Variants in VPS4B observed in about 807,000 individuals in gnomAD.
VPS4B encodes the protein vacuolar protein sorting-associated protein 4B.
Under a neutral mutation model 56.1 loss-of-function variants are expected in VPS4B, and 23 were observed. The observed-to-expected ratio is 0.41, with a 90% CI of 0.30 to 0.58. The LOEUF (loss-of-function observed/expected upper bound fraction) is 0.58, where lower values mean the gene tolerates loss of function less well. Among genes scored for constraint, VPS4B ranks in the 20% least tolerant of loss-of-function variants. The probability of loss-of-function intolerance (pLI) is 0.29; values close to 1 mark genes in which losing one functional copy is unlikely to be tolerated. For missense variants in VPS4B, 372 were observed against 531.9 expected (o/e 0.70, Z 2.96); for synonymous variants, 177 against 186.0 (o/e 0.95, Z 0.39).
At chr18:63,397,777 G>A (rs562475623) in intron 8 of VPS4B, among the ~76,000 whole-genome samples, 24 of 152,174 alleles carry the variant, frequency 1.6e-4, no homozygotes, top group African/African-American at 5.8e-4. Flanking sequence ...TTAGAATTTC[G>A]GTATTTGGAG....
At chr18:63,403,372 T>C (rs1915853455) in intron 5 of VPS4B, among the ~76,000 whole-genome samples, 1 of 152,376 alleles carries the variant, frequency 6.6e-6, no homozygotes, top group African/African-American at 2.4e-5. Flanking sequence ...TTTTTGATCT[T>C]TGCAATAGAT....
rs142770219 is a variant in VPS4B at position 63,411,566 on chromosome 18, G to C, written c.40C>G (p.Leu14Val). 3.6e-3 allele frequency: 5,701 copies of C among 1,578,270 alleles called. 12 individuals carry two copies. The highest frequency in any genetic ancestry group is 4.6e-3 in the Non-Finnish European group (5,318 of 1,162,128). The change falls in exon 2 of 11, where the codon CTG (leucine) becomes GTG (valine). Residue 14 changes from leucine (L) to valine (V), a missense_variant. Physicochemically the swap from Leu to Val is conservative, Grantham distance 32 (BLOSUM62 1). Coordinates refer to ENST00000238497, the MANE Select transcript of VPS4B (RefSeq NM_004869.4). ...TSPNLQKAID[L>V]ASKAAQEDKA... Reference sequence around the variant, plus strand: ...TCTTCTTGCGCTGCTTTGCTAGCCAGATCTATCGCTTTCTGTTTGAGGGAG... The same window carrying C: ...TCTTCTTGCGCTGCTTTGCTAGCCACATCTATCGCTTTCTGTTTGAGGGAG...
At position 63,411,670 on chromosome 18, in the gene VPS4B, A is replaced by T. The variant is rs1191857303; in HGVS notation, c.28-92T>A. On this transcript the variant is annotated intron_variant, in intron 1 of 10. Transcript: ENST00000238497. ...CATACTGAAAGTTTTTTTTTTTTTT[A>T]AAGCTTCTCAGCTTGCTGGGCTGTG... 2.6e-3 allele frequency: 1,232 copies of T among 479,576 alleles called. 1 individual carries two copies. The highest frequency in any genetic ancestry group is 4.0e-3 in the South Asian group (60 of 14,898). 29.7% of individuals were successfully genotyped at this position (479,576 alleles called of 1,614,324 possible).
Position 63,390,936 on chromosome 18 carries a change from G to C in VPS4B, c.*39C>G. The C allele has an allele frequency of 2.2e-6, 3 of 1,389,038 alleles. No individual in the cohort carries two copies. The highest frequency in any genetic ancestry group is 3.0e-6 in the Non-Finnish European group (3 of 986,630). The allele number at this position is 1,389,038 out of a possible 1,614,324, so 86.0% of individuals were successfully genotyped here. ...CAAATAGACAAAAATATCTATGAAAGAAAGAATACATATGGTAAGCATCTT... is the reference window on the plus strand; with the variant it reads ...CAAATAGACAAAAATATCTATGAAACAAAGAATACATATGGTAAGCATCTT... On this transcript the variant is annotated 3_prime_UTR_variant, in exon 11 of 11. Coordinates refer to ENST00000238497, the MANE Select transcript of VPS4B (RefSeq NM_004869.4).
chr18:63,403,638 A>G, intron 5 of VPS4B, 69 bp downstream of exon 5: 1 of 1,445,944 alleles, frequency 6.9e-7, no homozygotes, highest in Non-Finnish European at 9.3e-7. Context: ...AAGAATGACA[A>G]TGCTTCACCT....
rs928812644 is a variant in VPS4B at position 63,390,472 on chromosome 18, C to A, written c.*503G>T. 2 of 152,778 alleles carry A rather than the reference C, an allele frequency of 1.3e-5. No individual in the cohort carries two copies. Among genetic ancestry groups the A allele is most frequent in the South Asian group, 2.1e-4 (1 of 4,834 alleles). The allele number at this position is 152,778 out of a possible 1,614,324, so 9.5% of individuals were successfully genotyped here. On this transcript the variant is annotated 3_prime_UTR_variant, in exon 11 of 11. Transcript: ENST00000238497. ...GCACTGTCTATAATTCAAAATCTTT[C>A]AAACCCAATCACAAAGCTCTTTGCT... is the stretch of plus-strand genomic sequence containing the variant.
In VPS4B at chr18:63,414,436, T is replaced by C. The variant is rs548580153; in HGVS notation, c.28-2858A>G. ...AAGCCACATAGCAGAAATAAATCCT[T>C]TTTCTTTTTTCTTTTGAGATGGAGT... On this transcript the variant is annotated intron_variant, in intron 1 of 10. Transcript: ENST00000238497. Among the ~76,000 whole-genome samples the C allele has an allele frequency of 4.6e-5, 7 of 152,226 alleles. No homozygotes were observed. In the South Asian group the frequency reaches 1.0e-3, roughly 23 times the overall value.
chr18:63,392,528 A>G (rs1172402989), intron 10 of VPS4B, among the ~76,000 whole-genome samples: 1 of 151,766 alleles, frequency 6.6e-6, no homozygotes, highest in African/African-American at 2.4e-5. Flanking sequence ...GGCTCACTGC[A>G]ACCTCCGCCT....
chr18:63,396,938 CCA>C, intron 9 of VPS4B, 94 bp downstream of exon 9: 1 of 1,235,856 alleles, frequency 8.1e-7, no homozygotes, highest in Non-Finnish European at 1.1e-6. Context: ...TGCAGCAAGC[CCA>C]GATAGTGCCA....
intron 1 of VPS4B, among the ~76,000 whole-genome samples, chr18:63,416,880 T>G (rs986996265): frequency 2.0e-5 from 3 of 152,190 alleles, no homozygotes; most frequent in Non-Finnish European, 2.9e-5. Flanking sequence ...CCTCCCTAAT[T>G]TGCTATAGCA....
Position 63,422,217 on chromosome 18 carries a change from A to G in VPS4B, c.27+16T>C. The G allele has an allele frequency of 6.8e-7, 1 of 1,476,544 alleles. No individual in the cohort carries two copies. Among genetic ancestry groups the G allele is most frequent in the Non-Finnish European group, 9.0e-7 (1 of 1,109,116 alleles). The allele number at this position is 1,476,544 out of a possible 1,614,324, so 91.5% of individuals were successfully genotyped here. ...GATCCCAGCTCCCTAGGGGGACGGG[A>G]GATGAGCAATGATACCTGGAGGTTG... is the stretch of plus-strand genomic sequence containing the variant. On this transcript the variant is annotated intron_variant, in intron 1 of 10. Coordinates refer to ENST00000238497, the MANE Select transcript of VPS4B (RefSeq NM_004869.4).
intron 1 of VPS4B, among the ~76,000 whole-genome samples, chr18:63,417,239 C>T (rs771937966): frequency 4.6e-5 from 7 of 152,180 alleles, no homozygotes; most frequent in Non-Finnish European, 8.8e-5. Flanking sequence ...TGACAAAACA[C>T]TGTTCGGTGT....
rs758775745 is a variant in VPS4B at position 63,422,230 on chromosome 18, T to C, written c.27+3A>G. On this transcript the variant is annotated splice_donor_region_variant and intron_variant, in intron 1 of 10. Transcript: ENST00000238497. ...TAGGGGGACGGGAGATGAGCAATGATACCTGGAGGTTGGGCGAAGTGGATG... is the reference window on the plus strand; with the variant it reads ...TAGGGGGACGGGAGATGAGCAATGACACCTGGAGGTTGGGCGAAGTGGATG... 3 of 1,513,386 alleles carry C rather than the reference T, an allele frequency of 2.0e-6. No homozygotes were observed. In the East Asian group the frequency reaches 8.1e-5, roughly 41 times the overall value. The allele number at this position is 1,513,386 out of a possible 1,614,324, so 93.7% of individuals were successfully genotyped here.
chr18:63,400,761 A>G, intron 5 of VPS4B, 58 bp from the exon 6 acceptor site: 1 of 1,469,256 alleles, frequency 6.8e-7, no homozygotes, highest in Non-Finnish European at 9.2e-7. Context: ...TGTATCATCT[A>G]TACTGAGGAA....
intron 7 of VPS4B, among the ~76,000 whole-genome samples, 190 bp from the exon 8 acceptor site, chr18:63,399,513 C>T (rs1048213995): frequency 2.6e-5 from 4 of 152,122 alleles, no homozygotes; most frequent in Non-Finnish European, 5.9e-5. Flanking sequence ...CACTATGATG[C>T]AATATGATGC....
chr18:63,412,820 C>T (rs1916074346), intron 1 of VPS4B, among the ~76,000 whole-genome samples: 1 of 152,022 alleles, frequency 6.6e-6, no homozygotes, highest in African/African-American at 2.4e-5. Flanking sequence ...CACCACCGCA[C>T]CCAGCTAAAA....
chr18:63,394,204 G>A (rs530813182), intron 9 of VPS4B, among the ~76,000 whole-genome samples: 12 of 152,204 alleles, frequency 7.9e-5, no homozygotes, highest in South Asian at 2.1e-4. Context: ...ACCAAAAACA[G>A]ATATATTAAA....
At chr18:63,394,105 C>G (rs1915616986) in intron 9 of VPS4B, among the ~76,000 whole-genome samples, 1 of 152,004 alleles carries the variant, frequency 6.6e-6, no homozygotes, top group Admixed American at 6.6e-5. Context: ...TGTATGATCA[C>G]ACATAGAAGA....
At chr18:63,400,746 T>G in intron 5 of VPS4B, 43 bp from the exon 6 acceptor site, 1 of 1,564,654 alleles carries the variant, frequency 6.4e-7, no homozygotes, top group Non-Finnish European at 8.7e-7. Context: ...ATTTTAACAC[T>G]TAATTGTATC....
Sources: gnomAD v4.1 joint callset for allele counts (sites outside exome capture counted in the v4.1 genomes callset) on GRCh38, gnomAD v4.1.1 for gene constraint, MANE v1.5 for transcripts, NCBI Gene and HGNC (gene_info 2026-07-23, HGNC 2026-07-21) for gene names.